Variants in DRC7 observed in about 807,000 individuals in gnomAD.
The protein encoded by DRC7 is coiled-coil domain containing 135.
Under a neutral mutation model 104.4 loss-of-function variants are expected in DRC7, and 80 were observed. That is an observed-to-expected ratio of 0.77 (90% confidence interval 0.64 to 0.92). The LOEUF (loss-of-function observed/expected upper bound fraction) is 0.92. DRC7 is among the 40% of genes least tolerant of loss of function. The pLI is 0.00. For synonymous variants in DRC7, 405 were observed against 447.3 expected, an observed-to-expected ratio of 0.91 and a Z score of 1.19; for missense variants, 1,034 against 1,141.1, an observed-to-expected ratio of 0.91 and a Z score of 1.35.
chr16:57,722,623 A>G, intron 10 of DRC7, 90 bp from the exon 11 acceptor site: 1 of 1,546,472 alleles, frequency 6.5e-7, no homozygotes, highest in Non-Finnish European at 8.8e-7. Context: ...TACACAGAGA[A>G]CGGGCAGTGG....
At chr16:57,714,490 A>G (rs2048820684) in intron 8 of DRC7, among the ~76,000 whole-genome samples, 1 of 152,024 alleles carries the variant, frequency 6.6e-6, no homozygotes, top group Non-Finnish European at 1.5e-5. Context: ...GCCAGGCATG[A>G]TGGCATGCAC....
In DRC7 at chr16:57,723,052, C is replaced by G; in HGVS notation, c.1459C>G (p.Leu487Val). The G allele has an allele frequency of 6.2e-7, 1 of 1,613,894 alleles. No individual in the cohort carries two copies. The highest frequency in any genetic ancestry group is 8.5e-7 in the Non-Finnish European group (1 of 1,179,986). The stretch of plus-strand genomic sequence containing the variant: ...GTGGTACCAGAACCGGGAAGACATG[C>G]TGGAGCTGAAACACATAAACAAGAC... ...KEWYQNREDM[L>V]ELKHINKTTD... The change falls in exon 12 of 19, where the codon CTG becomes GTG. Residue 487 changes from leucine (L) to valine (V), a missense_variant. Leu to Val is a conservative substitution (Grantham distance 32). Coordinates refer to ENST00000360716, the MANE Select transcript of DRC7 (RefSeq NM_001289162.2).
rs1416627706 is a variant in DRC7 at position 57,731,079 on chromosome 16, G to A, written c.2531+9G>A. ...GAGCAGCGCCTCAATCGGTGAGCAG[G>A]CAGGGCAGGTGGAGAGAACCCACTG... On this transcript the variant is annotated intron_variant, in intron 18 of 18. Transcript: ENST00000360716. The A allele has an allele frequency of 1.9e-5, 31 of 1,613,732 alleles. No homozygotes were observed. In the Middle Eastern group the frequency reaches 5.0e-4, roughly 26 times the overall value.
intron 14 of DRC7, 137 bp downstream of exon 14, chr16:57,726,420 A>G (rs1467710038): frequency 2.7e-6 from 2 of 742,066 alleles, no homozygotes; most frequent in Admixed American, 5.6e-5. Context: ...CTCTTTGGGA[A>G]AACCAAAAGT....
At chr16:57,724,982 A>C in intron 13 of DRC7, 147 bp downstream of exon 13, 1 of 628,942 alleles carries the variant, frequency 1.6e-6, no homozygotes, top group Non-Finnish European at 2.8e-6. Flanking sequence ...CATTTTACCA[A>C]ATGTATTAGT....
chr16:57,713,673 G>A (rs892180129), intron 8 of DRC7: 6 of 152,170 alleles, frequency 3.9e-5, no homozygotes, highest in Non-Finnish European at 8.8e-5. Flanking sequence ...TCGTTGTCTC[G>A]AAGGCACTCT....
At chr16:57,710,822 T>C (rs2048785308) in intron 8 of DRC7, among the ~76,000 whole-genome samples, 1 of 152,238 alleles carries the variant, frequency 6.6e-6, no homozygotes, top group Non-Finnish European at 1.5e-5. Context: ...TAACCATGGT[T>C]TTCCTGGGAT....
At chr16:57,702,245 G>T in intron 6 of DRC7, 115 bp downstream of exon 6, 1 of 1,028,112 alleles carries the variant, frequency 9.7e-7, no homozygotes, top group East Asian at 2.6e-5. Context: ...TGGCCACGCG[G>T]ACACAGATCC....
At chr16:57,704,850 A>C (rs1407852219) in intron 6 of DRC7, 26 bp from the exon 7 acceptor site, 1 of 1,611,636 alleles carries the variant, frequency 6.2e-7, no homozygotes. Context: ...AGGGCCACTG[A>C]CCCTTCCTCT....
intron 8 of DRC7, chr16:57,714,962 G>A: frequency 2.9e-6 from 1 of 339,256 alleles, no homozygotes; most frequent in South Asian, 2.6e-5. Context: ...ATTTGAAGAT[G>A]TAGGGCAGGA....
intron 6 of DRC7, among the ~76,000 whole-genome samples, chr16:57,703,200 CAAAAAAAAAAAA>C (rs71152293): frequency 6.4e-5 from 4 of 62,926 alleles, no homozygotes; most frequent in African/African-American, 1.1e-4. Context: ...TTTTTAATAG[CAAAAAAAAAAAA>C]AAAAAAAAAA....
chr16:57,723,280 C>A, intron 12 of DRC7, 150 bp downstream of exon 12: 1 of 866,834 alleles, frequency 1.2e-6, no homozygotes, highest in Non-Finnish European at 1.7e-6. Flanking sequence ...CTGCCTCCCT[C>A]AGCAAACCCG....
At chr16:57,720,176 G>A (rs181645780) in intron 9 of DRC7, among the ~76,000 whole-genome samples, 26 of 152,262 alleles carry the variant, frequency 1.7e-4, no homozygotes, top group African/African-American at 3.6e-4. Context: ...CCATTTTACC[G>A]ATGGGAAGAC....
chr16:57,704,457 C>A (rs1425279523), intron 6 of DRC7, among the ~76,000 whole-genome samples: 3 of 152,058 alleles, frequency 2.0e-5, no homozygotes, highest in Non-Finnish European at 2.9e-5. Flanking sequence ...ACATATGAGG[C>A]CCTCCGATGA....
intron 8 of DRC7, 40 bp from the exon 9 acceptor site, chr16:57,718,307 C>T (rs2048866257): frequency 6.2e-7 from 1 of 1,605,536 alleles, no homozygotes; most frequent in African/African-American, 1.3e-5. Flanking sequence ...GACGTGGTGG[C>T]TGTGGGGTAC....
intron 3 of DRC7, 145 bp from the exon 4 acceptor site, chr16:57,698,705 A>C (rs1250375621): frequency 4.0e-6 from 3 of 752,888 alleles, no homozygotes. Context: ...ATATATATGA[A>C]AATGTGCAGA....
chr16:57,724,309 C>CAAAAA (rs35767816), intron 12 of DRC7, among the ~76,000 whole-genome samples: 1 of 80,702 alleles, frequency 1.2e-5, no homozygotes, highest in Admixed American at 1.4e-4. Flanking sequence ...GGCTGTGTCT[C>CAAAAA]AAAAAAAAAA....
intron 17 of DRC7, among the ~76,000 whole-genome samples, chr16:57,730,150 T>C (rs1302331893): frequency 8.3e-6 from 1 of 120,926 alleles, no homozygotes; most frequent in Non-Finnish European, 1.6e-5. Context: ...GGTGGATGGA[T>C]GGATGGATGG....
At chr16:57,696,969 G>A (rs574385212) in intron 2 of DRC7, among the ~76,000 whole-genome samples, 81 of 152,314 alleles carry the variant, frequency 5.3e-4, no homozygotes, top group African/African-American at 1.6e-3. Flanking sequence ...CTAGAGTGCA[G>A]TGGTGCGATC....
Sources: allele counts gnomAD v4.1 joint callset (sites outside exome capture counted in the v4.1 genomes callset), GRCh38; gene constraint gnomAD v4.1.1; transcripts MANE v1.5; gene names NCBI Gene and HGNC (gene_info 2026-07-23, HGNC 2026-07-21).